Variants in PDLIM5 observed in about 807,000 individuals in gnomAD.
PDLIM5 encodes the protein PDZ and LIM domain 5.
PDLIM5 carries 34 observed loss-of-function variants against 64.2 expected under a neutral mutation model. That is an observed-to-expected ratio of 0.53 (90% CI 0.40 to 0.71). The LOEUF is 0.71. Among genes scored for constraint, PDLIM5 ranks in the 30% least tolerant of loss-of-function variants. The pLI is 0.00. For missense variants in PDLIM5, 683 were observed against 733.6 expected, an observed-to-expected ratio of 0.93 and a Z score of 0.80; for synonymous variants, 253 against 269.1, an observed-to-expected ratio of 0.94 and a Z score of 0.59.
At position 94,587,521 on chromosome 4, in the gene PDLIM5, AC is replaced by A. The variant is rs575005664; in HGVS notation, c.920+1078del. The A allele has an allele frequency of 3.6e-5, 32 of 894,576 alleles. No homozygotes were observed. In the South Asian group the frequency reaches 1.6e-3, roughly 45 times the overall value. The allele number at this position is 894,576 out of a possible 1,614,324, so 55.4% of individuals were successfully genotyped here. ...TACTTTTTAAGTTCATTATTATGTTACATTCAAAGTTGATTGTAAATTATTC... is the reference window on the plus strand; with the variant it reads ...TACTTTTTAAGTTCATTATTATGTTAATTCAAAGTTGATTGTAAATTATTC... On this transcript the variant is annotated intron_variant, in intron 7 of 12. Coordinates refer to ENST00000317968, the MANE Select transcript of PDLIM5 (RefSeq NM_006457.5).
chr4:94,521,504 G>C (rs1378334882), intron 2 of PDLIM5, among the ~76,000 whole-genome samples: 1 of 151,876 alleles, frequency 6.6e-6, no homozygotes, highest in African/African-American at 2.4e-5. Context: ...TAGGATTCCT[G>C]TGCTCCATGA....
chr4:94,637,012 T>G (rs1476006903), intron 8 of PDLIM5, among the ~76,000 whole-genome samples: 1 of 151,994 alleles, frequency 6.6e-6, no homozygotes, highest in East Asian at 1.9e-4. Flanking sequence ...AAACTATGAG[T>G]AGCAGTAGGA....
chr4:94,484,216 G>A (rs1264890821), intron 2 of PDLIM5, among the ~76,000 whole-genome samples: 3 of 152,076 alleles, frequency 2.0e-5, no homozygotes, highest in Non-Finnish European at 2.9e-5. Context: ...AACAGGACCC[G>A]GCTTCTGGAT....
intron 9 of PDLIM5, among the ~76,000 whole-genome samples, chr4:94,646,217 C>T (rs1741402015): frequency 6.6e-6 from 1 of 152,136 alleles, no homozygotes; most frequent in African/African-American, 2.4e-5. Context: ...ATTCCAGTAC[C>T]TCAGAATGGG....
chr4:94,459,999 T>G (rs757512332), intron 2 of PDLIM5, among the ~76,000 whole-genome samples: 3 of 152,214 alleles, frequency 2.0e-5, no homozygotes, highest in African/African-American at 7.2e-5. Flanking sequence ...GAGAGAGCCA[T>G]CCTACCTTGA....
rs551479354 is a variant in PDLIM5 at position 94,554,472 on chromosome 4, G to A, written c.249-18879G>A. On this transcript the variant is annotated intron_variant, in intron 3 of 12. Transcript: ENST00000317968. ...TTTATATATGTATATACATTCGTACGTACATACGTTCATACATATATATAA... is the reference window on the plus strand; with the variant it reads ...TTTATATATGTATATACATTCGTACATACATACGTTCATACATATATATAA... 4.7e-4 allele frequency among the ~76,000 whole-genome samples: 71 copies of A among 152,044 alleles called. 1 individual carries two copies. Among genetic ancestry groups the A allele is most frequent in the African/African-American group, 1.3e-3 (55 of 41,488 alleles).
chr4:94,508,486 A>G (rs1383533021), intron 2 of PDLIM5, among the ~76,000 whole-genome samples: 1 of 152,180 alleles, frequency 6.6e-6, no homozygotes, highest in African/African-American at 2.4e-5. Context: ...TTGAAAGGCT[A>G]CAGCTGTATA....
chr4:94,556,967 G>C (rs1261475626), intron 3 of PDLIM5, among the ~76,000 whole-genome samples: 1 of 152,088 alleles, frequency 6.6e-6, no homozygotes, highest in Non-Finnish European at 1.5e-5. Flanking sequence ...GTTTTCGTCA[G>C]GAAGTCCTTG....
chr4:94,527,014 C>G (rs1364178499), intron 3 of PDLIM5, among the ~76,000 whole-genome samples: 5 of 146,386 alleles, frequency 3.4e-5, no homozygotes. Flanking sequence ...GAATTACAGG[C>G]ATGAGCCATT....
At chr4:94,642,404 A>G (rs1473897050) in intron 9 of PDLIM5, among the ~76,000 whole-genome samples, 3 of 152,110 alleles carry the variant, frequency 2.0e-5, no homozygotes, top group Non-Finnish European at 2.9e-5. Flanking sequence ...ACATTTCACC[A>G]CCCCTACCTG....
At chr4:94,630,408 T>C (rs1447531877) in intron 8 of PDLIM5, among the ~76,000 whole-genome samples, 1 of 152,116 alleles carries the variant, frequency 6.6e-6, no homozygotes, top group Non-Finnish European at 1.5e-5. Flanking sequence ...AGAATCTCAC[T>C]CTGTCACCCA....
intron 7 of PDLIM5, among the ~76,000 whole-genome samples, chr4:94,609,821 C>T (rs746169246): frequency 1.6e-4 from 24 of 152,104 alleles, no homozygotes; most frequent in Non-Finnish European, 2.9e-4. Flanking sequence ...TCAGACTTCA[C>T]GTTTAGATTT....
At chr4:94,457,435 A>G (rs1351021530) in intron 2 of PDLIM5, among the ~76,000 whole-genome samples, 1 of 152,078 alleles carries the variant, frequency 6.6e-6, no homozygotes, top group Non-Finnish European at 1.5e-5. Flanking sequence ...TCTACTGATG[A>G]TCTATTATGG....
intron 7 of PDLIM5, among the ~76,000 whole-genome samples, chr4:94,613,502 A>G (rs1738533898): frequency 6.6e-6 from 1 of 152,176 alleles, no homozygotes; most frequent in African/African-American, 2.4e-5. Context: ...TTTCCTCATT[A>G]GCTCCATCTT....
At chr4:94,486,804 C>A (rs1418764361) in intron 2 of PDLIM5, among the ~76,000 whole-genome samples, 2 of 152,094 alleles carry the variant, frequency 1.3e-5, no homozygotes, top group African/African-American at 2.4e-5. Context: ...GAATTTGAGA[C>A]CAGCCTGGTC....
intron 2 of PDLIM5, among the ~76,000 whole-genome samples, chr4:94,464,631 T>C (rs538011385): frequency 1.3e-5 from 2 of 152,372 alleles, no homozygotes; most frequent in Admixed American, 6.5e-5. Flanking sequence ...AAATTATATC[T>C]AGCTAGCTAG....
At chr4:94,621,683 A>C (rs2110406880) in intron 8 of PDLIM5, among the ~76,000 whole-genome samples, 1 of 152,334 alleles carries the variant, frequency 6.6e-6, no homozygotes, top group South Asian at 2.1e-4. Context: ...ATAGTACAGC[A>C]AAATTACCAC....
At chr4:94,504,862 TTC>T (rs1247744602) in intron 2 of PDLIM5, among the ~76,000 whole-genome samples, 1 of 152,202 alleles carries the variant, frequency 6.6e-6, no homozygotes, top group African/African-American at 2.4e-5. Context: ...ATTGAAATCT[TTC>T]TTTCTGGAAC....
At chr4:94,595,708 T>C (rs919208173) in intron 7 of PDLIM5, among the ~76,000 whole-genome samples, 1 of 152,214 alleles carries the variant, frequency 6.6e-6, no homozygotes, top group South Asian at 2.1e-4. Flanking sequence ...TCATTATTGC[T>C]GTGTTTCACA....
Sources: gnomAD v4.1 joint callset for allele counts (sites outside exome capture counted in the v4.1 genomes callset) on GRCh38, gnomAD v4.1.1 for gene constraint, MANE v1.5 for transcripts, NCBI Gene and HGNC (gene_info 2026-07-23, HGNC 2026-07-21) for gene names.